CACNA1E: variants seen among roughly 807,000 people sequenced by gnomAD.
CACNA1E encodes calcium voltage-gated channel subunit alpha1 E.
CACNA1E carries 40 observed loss-of-function variants against 259.2 expected under a neutral mutation model. The ratio of observed to expected loss-of-function variants is 0.15; its 90% CI spans 0.12 to 0.20. The LOEUF (loss-of-function observed/expected upper bound fraction) is 0.20, where lower values mean the gene tolerates loss of function less well. Ranked by LOEUF, CACNA1E falls within the 10% of genes least tolerant of loss-of-function variation. CACNA1E has a pLI of 1.00. For missense variants in CACNA1E, 1,874 were observed against 3,040.1 expected (o/e 0.62, Z 9.02); for synonymous variants, 1,104 against 1,138.5 (o/e 0.97, Z 0.61).
intron 1 of CACNA1E, among the ~76,000 whole-genome samples, chr1:181,345,291 T>C (rs1212151125): frequency 6.6e-6 from 1 of 152,254 alleles, no homozygotes. Flanking sequence ...AGCCTCCTAA[T>C]AAGAGTGCCA....
chr1:181,770,702 A>C (rs1659427275), intron 35 of CACNA1E, among the ~76,000 whole-genome samples: 1 of 152,206 alleles, frequency 6.6e-6, no homozygotes, highest in African/African-American at 2.4e-5. Context: ...ATGTGTGTTC[A>C]ATCTCATAGA....
At position 181,796,725 on chromosome 1, in the gene CACNA1E, G is replaced by A. The variant is rs779786799; in HGVS notation, c.6266G>A (p.Arg2089Gln). The stretch of plus-strand genomic sequence containing the variant: ...AGGGAGCGGGGACGATCAAAAGAGC[G>A]AAAGCATCTTCTCTCTCCTGATGTC... ...GGRERGRSKE[R>Q]KHLLSPDVSR... The change falls in exon 47 of 48, where the codon CGA (arginine) becomes CAA (glutamine). Residue 2089 changes from arginine to glutamine, a missense_variant. Arg to Gln is a conservative substitution (Grantham distance 43). Around this residue, in one of 14 missense-constraint regions of CACNA1E, gnomAD observed 542 missense variants for 587.2 expected, o/e 0.92. Coordinates refer to ENST00000367573, the MANE Select transcript of CACNA1E (RefSeq NM_001205293.3). 6.2e-6 allele frequency: 10 copies of A among 1,613,060 alleles called. No homozygotes were observed. Among genetic ancestry groups the A allele is most frequent in the Non-Finnish European group, 7.6e-6 (9 of 1,179,294 alleles).
intron 34 of CACNA1E, 93 bp from the exon 35 acceptor site, chr1:181,766,453 C>T (rs1659032453): frequency 2.3e-6 from 2 of 871,594 alleles, no homozygotes; most frequent in Admixed American, 1.9e-5. Flanking sequence ...GCATTAGCCT[C>T]CAGGCAAGAT....
At chr1:181,398,911 A>G (rs1003419160) in intron 1 of CACNA1E, among the ~76,000 whole-genome samples, 3 of 152,202 alleles carry the variant, frequency 2.0e-5, no homozygotes, top group Non-Finnish European at 4.4e-5. Context: ...GGCAATGGAG[A>G]TCCAACTGGA....
At chr1:181,583,743 CACCTG>C (rs1409571578) in intron 6 of CACNA1E, among the ~76,000 whole-genome samples, 1 of 152,044 alleles carries the variant, frequency 6.6e-6, no homozygotes, top group Admixed American at 6.6e-5. Flanking sequence ...AACCTGGAGT[CACCTG>C]TGCTTCATTT....
intron 6 of CACNA1E, among the ~76,000 whole-genome samples, chr1:181,614,526 G>T (rs568357326): frequency 1.3e-5 from 2 of 152,294 alleles, no homozygotes; most frequent in South Asian, 4.1e-4. Context: ...GATGATTATT[G>T]TCACATGGTG....
chr1:181,365,116 T>A (rs903510430), intron 1 of CACNA1E, among the ~76,000 whole-genome samples: 1 of 152,202 alleles, frequency 6.6e-6, no homozygotes, highest in African/African-American at 2.4e-5. Flanking sequence ...TGTGCATGAC[T>A]GTGAATGAAG....
intron 5 of CACNA1E, 137 bp from the exon 6 acceptor site, chr1:181,580,458 G>T (rs555674115): frequency 2.6e-6 from 2 of 764,412 alleles, no homozygotes; most frequent in African/African-American, 1.7e-5. Context: ...CCAGGGAGGA[G>T]AGGGAGCCTG....
At chr1:181,410,087 G>A (rs1405183405) in intron 1 of CACNA1E, among the ~76,000 whole-genome samples, 1 of 152,156 alleles carries the variant, frequency 6.6e-6, no homozygotes, top group Non-Finnish European at 1.5e-5. Context: ...TGGAGTTGCT[G>A]GAGATGCTAA....
intron 1 of CACNA1E, among the ~76,000 whole-genome samples, chr1:181,348,518 C>T (rs1652791103): frequency 6.6e-6 from 1 of 152,154 alleles, no homozygotes. Context: ...AGCCTTGATA[C>T]AAGCCACTGA....
chr1:181,474,238 G>T (rs1228081031), intron 2 of CACNA1E, among the ~76,000 whole-genome samples: 4 of 152,180 alleles, frequency 2.6e-5, no homozygotes, highest in Admixed American at 1.3e-4. Flanking sequence ...CAGTGATGGG[G>T]TGGTTTTGTG....
intron 7 of CACNA1E, among the ~76,000 whole-genome samples, chr1:181,693,956 T>C (rs1463476963): frequency 1.3e-5 from 2 of 152,114 alleles, no homozygotes; most frequent in African/African-American, 4.8e-5. Context: ...AAGGAAGAAA[T>C]AATGCTGATC....
chr1:181,580,863 G>A, intron 6 of CACNA1E, 87 bp downstream of exon 6: 6 of 1,170,778 alleles, frequency 5.1e-6, no homozygotes, highest in South Asian at 1.3e-5. Context: ...CTAGTCCGGG[G>A]ACAGGGAGGG....
At chr1:181,585,169 G>A (rs1212055239) in intron 6 of CACNA1E, among the ~76,000 whole-genome samples, 2 of 152,194 alleles carry the variant, frequency 1.3e-5, no homozygotes, top group African/African-American at 4.8e-5. Context: ...GATCTTGGAA[G>A]TTACTTTCTT....
chr1:181,376,888 T>C (rs1405760543), intron 1 of CACNA1E, among the ~76,000 whole-genome samples: 1 of 152,196 alleles, frequency 6.6e-6, no homozygotes, highest in East Asian at 1.9e-4. Flanking sequence ...CCCCTGAGGC[T>C]GTCAGGGATA....
rs1655636646 is a variant in CACNA1E at position 181,732,840 on chromosome 1, A to G, written c.2754A>G (p.Gln918=). 6.2e-7 allele frequency: 1 copy of G among 1,613,478 alleles called. No individual in the cohort carries two copies. Among genetic ancestry groups the G allele is most frequent in the Non-Finnish European group, 8.5e-7 (1 of 1,179,634 alleles). The change falls in exon 20 of 48, where the codon CAA becomes CAG. Residue 918 remains glutamine, a synonymous_variant. Transcript: ENST00000367573. The surrounding 1 kb of genome is among the most constrained non-coding windows in gnomAD (Gnocchi z 5.5). ...ACCGGGCCAGGCACAGGCAGAGCCA[A>G]CGGCGCAGCCGGCATCGCCGCGTCA... ...FEDRARHRQS[Q]RRSRHRRVRT...
Position 181,716,092 on chromosome 1 carries a change from C to T in CACNA1E, c.1278C>T (p.Asp426=), listed in dbSNP as rs1439423340. ...GCCGGACAGAGGCCATGACTCGAGACTCCAGTGATGAGCACTGTGTTGATA... is the reference window on the plus strand; with the variant it reads ...GCCGGACAGAGGCCATGACTCGAGATTCCAGTGATGAGCACTGTGTTGATA... The part of the protein sequence containing the change: ...KRSRTEAMTR[D]SSDEHCVDIS... The change falls in exon 10 of 48, where the codon GAC becomes GAT. Residue 426 remains aspartate, a synonymous_variant. Coordinates refer to ENST00000367573, the MANE Select transcript of CACNA1E (RefSeq NM_001205293.3). The T allele has an allele frequency of 6.4e-7, 1 of 1,572,830 alleles. No homozygotes were observed. Among genetic ancestry groups the T allele is most frequent in the Non-Finnish European group, 8.6e-7 (1 of 1,158,394 alleles).
At chr1:181,383,162 C>G (rs1655589060) in intron 1 of CACNA1E, among the ~76,000 whole-genome samples, 1 of 152,208 alleles carries the variant, frequency 6.6e-6, no homozygotes, top group African/African-American at 2.4e-5. Flanking sequence ...CCATTGGTAT[C>G]TCTTTTCAGG....
intron 39 of CACNA1E, among the ~76,000 whole-genome samples, chr1:181,781,992 C>A (rs1485102862): frequency 1.3e-5 from 2 of 152,140 alleles, no homozygotes; most frequent in Non-Finnish European, 2.9e-5. Context: ...AAGGAAAATT[C>A]CTTTAAACAA....
Sources: allele counts gnomAD v4.1 joint callset (sites outside exome capture counted in the v4.1 genomes callset), GRCh38; gene constraint gnomAD v4.1.1; regional missense constraint gnomAD v4.1.1; non-coding constraint Gnocchi (gnomAD v3.1); transcripts MANE v1.5; gene names NCBI Gene and HGNC (gene_info 2026-07-23, HGNC 2026-07-21).